Variants in ADCY2 observed in about 807,000 individuals in gnomAD.
ADCY2 encodes adenylate cyclase 2, also known as adenylate cyclase type 2.
In ADCY2, 31 loss-of-function variants were observed where a neutral mutation model predicts 125.2. The observed-to-expected ratio is 0.25, with a 90% CI of 0.19 to 0.33. The LOEUF (loss-of-function observed/expected upper bound fraction) is 0.33. Among genes scored for constraint, ADCY2 ranks in the 10% least tolerant of loss-of-function variants. The pLI, the probability that ADCY2 is intolerant of heterozygous loss-of-function variation, is 1.00. For missense variants in ADCY2, 904 were observed against 1,418.2 expected (o/e 0.64, Z 5.82); for synonymous variants, 512 against 548.4 (o/e 0.93, Z 0.93).
intron 3 of ADCY2, among the ~76,000 whole-genome samples, chr5:7,575,268 T>A (rs1287813807): frequency 6.6e-6 from 1 of 152,144 alleles, no homozygotes; most frequent in Non-Finnish European, 1.5e-5. Flanking sequence ...TATTTTGGAG[T>A]GGTGACATTA....
intron 18 of ADCY2, among the ~76,000 whole-genome samples, chr5:7,780,678 T>C (rs541487845): frequency 2.4e-3 from 365 of 152,348 alleles, no homozygotes; most frequent in African/African-American, 8.6e-3. Flanking sequence ...TGGGTACTTT[T>C]CTTTTTAAAA....
At chr5:7,825,999 A>C (rs945033383) in intron 24 of ADCY2, among the ~76,000 whole-genome samples, 1 of 152,186 alleles carries the variant, frequency 6.6e-6, no homozygotes, top group Non-Finnish European at 1.5e-5. Flanking sequence ...TGGTCCTGTC[A>C]AGCCAGCAGC....
intron 15 of ADCY2, 106 bp downstream of exon 15, chr5:7,743,858 C>T: frequency 9.9e-7 from 1 of 1,014,686 alleles, no homozygotes; most frequent in Non-Finnish European, 1.5e-6. Context: ...TTTACCACTT[C>T]AAGAACTCCA....
At chr5:7,621,733 A>G (rs1177232804) in intron 3 of ADCY2, among the ~76,000 whole-genome samples, 1 of 152,186 alleles carries the variant, frequency 6.6e-6, no homozygotes, top group East Asian at 1.9e-4. Flanking sequence ...GCTAGTAGAT[A>G]CCACCCTTCC....
At chr5:7,507,357 C>T (rs1561063786) in intron 2 of ADCY2, among the ~76,000 whole-genome samples, 1 of 130,660 alleles carries the variant, frequency 7.7e-6, no homozygotes, top group South Asian at 2.6e-4. Flanking sequence ...AGGAGAATGG[C>T]GTGAACCCGG....
chr5:7,780,989 G>T (rs1353086701), intron 18 of ADCY2, among the ~76,000 whole-genome samples: 2 of 152,206 alleles, frequency 1.3e-5, no homozygotes, highest in African/African-American at 2.4e-5. Context: ...TGAGTCCCCA[G>T]TGTCTGATTT....
intron 1 of ADCY2, among the ~76,000 whole-genome samples, chr5:7,411,277 G>C (rs116059275): frequency 6.6e-6 from 1 of 152,224 alleles, no homozygotes; most frequent in Admixed American, 6.5e-5. Context: ...GCCGTTGGCC[G>C]TCAGAGCCTC....
chr5:7,651,447 CT>C (rs1167838694), intron 4 of ADCY2, among the ~76,000 whole-genome samples: 2 of 152,154 alleles, frequency 1.3e-5, no homozygotes, highest in African/African-American at 4.8e-5. Context: ...ACTGTGCAGC[CT>C]TCAGTCTGTG....
chr5:7,753,651 C>T (rs1281484841), intron 15 of ADCY2, among the ~76,000 whole-genome samples: 3 of 152,168 alleles, frequency 2.0e-5, no homozygotes, highest in African/African-American at 7.2e-5. Context: ...TGTAATTTTT[C>T]TACAGAGCTA....
chr5:7,802,216 A>G lies in ADCY2; in HGVS notation c.2629-2A>G. 1.2e-6 allele frequency: 2 copies of G among 1,613,284 alleles called. No homozygotes were observed. The highest frequency in any genetic ancestry group is 1.1e-5 in the South Asian group (1 of 90,998). Reference sequence around the variant, plus strand: ...ATCAGCTCTTGCTTTTCTCCCAAGCAGGAGCTATACCACCAGTCCTATGAC... The same window carrying G: ...ATCAGCTCTTGCTTTTCTCCCAAGCGGGAGCTATACCACCAGTCCTATGAC... On this transcript the variant is annotated splice_acceptor_variant, in intron 20 of 24. Transcript: ENST00000338316. LOFTEE classifies it high-confidence loss of function. This position sits in a 1 kb window ranked among gnomAD's most constrained non-coding sequence, Gnocchi z 4.6.
chr5:7,455,883 ATAT>A (rs1201144894), intron 2 of ADCY2, among the ~76,000 whole-genome samples: 3 of 148,250 alleles, frequency 2.0e-5, no homozygotes, highest in Middle Eastern at 5.2e-3. Context: ...ATTGCATAAC[ATAT>A]TATAACAATG....
intron 2 of ADCY2, among the ~76,000 whole-genome samples, chr5:7,426,433 C>T (rs762398737): frequency 5.9e-5 from 9 of 152,200 alleles, no homozygotes; most frequent in Non-Finnish European, 1.3e-4. Context: ...GCTCCCAAGA[C>T]AGTCTTGTTG....
At chr5:7,488,974 C>T (rs373145523) in intron 2 of ADCY2, among the ~76,000 whole-genome samples, 12 of 152,290 alleles carry the variant, frequency 7.9e-5, no homozygotes, top group African/African-American at 2.2e-4. Flanking sequence ...GTAACTGACA[C>T]GTAGACATTG....
At chr5:7,763,059 G>T (rs1274448190) in intron 16 of ADCY2, among the ~76,000 whole-genome samples, 3 of 148,144 alleles carry the variant, frequency 2.0e-5, no homozygotes, top group African/African-American at 7.4e-5. Context: ...TTTTTTGTTT[G>T]TTTGTTTGTT....
intron 2 of ADCY2, among the ~76,000 whole-genome samples, chr5:7,420,727 C>T (rs1740169104): frequency 6.6e-6 from 1 of 152,180 alleles, no homozygotes; most frequent in African/African-American, 2.4e-5. Flanking sequence ...GTTTCTGGCT[C>T]CCGGAGTTCG....
chr5:7,742,244 C>T (rs370286321), intron 14 of ADCY2, among the ~76,000 whole-genome samples: 1 of 152,040 alleles, frequency 6.6e-6, no homozygotes, highest in Non-Finnish European at 1.5e-5. Flanking sequence ...TAATGGCAAG[C>T]GCCCTCCATA....
chr5:7,772,857 TC>T (rs756328103), intron 17 of ADCY2, 74 bp from the exon 18 acceptor site: 9 of 1,430,004 alleles, frequency 6.3e-6, no homozygotes, highest in Admixed American at 1.8e-5. Context: ...TGGGCGGTGG[TC>T]CCCTGATTGT....
intron 3 of ADCY2, among the ~76,000 whole-genome samples, chr5:7,590,927 AAAT>A (rs1350122764): frequency 5.3e-5 from 8 of 152,210 alleles, no homozygotes; most frequent in Non-Finnish European, 7.3e-5. Flanking sequence ...TTAGAAAAAT[AAAT>A]AATATTCAAA....
chr5:7,540,923 G>A (rs984299884), intron 3 of ADCY2, among the ~76,000 whole-genome samples: 1 of 152,192 alleles, frequency 6.6e-6, no homozygotes, highest in African/African-American at 2.4e-5. Context: ...CCTGTACTTT[G>A]GAGTTGTCAC....
Sources: allele counts gnomAD v4.1 joint callset (sites outside exome capture counted in the v4.1 genomes callset), GRCh38; gene constraint gnomAD v4.1.1; non-coding constraint Gnocchi (gnomAD v3.1); transcripts MANE v1.5; gene names NCBI Gene and HGNC (gene_info 2026-07-23, HGNC 2026-07-21).